The following MYH10 variants were observed in gnomAD, a reference collection of about 807,000 sequenced individuals.
MYH10 encodes the protein myosin heavy chain 10, also known as myosin-10.
Under a neutral mutation model 257.8 loss-of-function variants are expected in MYH10, and 55 were observed. The observed-to-expected ratio is 0.21, with a 90% confidence interval of 0.17 to 0.27. MYH10 has a LOEUF of 0.27. MYH10 is among the 10% of genes least tolerant of loss of function. The probability of loss-of-function intolerance (pLI) is 1.00; values close to 1 mark genes in which losing one functional copy is unlikely to be tolerated. For synonymous variants in MYH10, 854 were observed against 921.7 expected, an observed-to-expected ratio of 0.93 and a Z score of 1.33; for missense variants, 1,631 against 2,500.6, an observed-to-expected ratio of 0.65 and a Z score of 7.42.
chr17:8,626,544 G>A (rs190796730), intron 1 of MYH10, among the ~76,000 whole-genome samples: 2 of 149,414 alleles, frequency 1.3e-5, no homozygotes, highest in East Asian at 3.9e-4. Context: ...TCCAGCCTCG[G>A]CAACAGAATG....
intron 16 of MYH10, 23 bp from the exon 17 acceptor site, chr17:8,530,708 A>G (rs756783752): frequency 1.3e-6 from 2 of 1,528,412 alleles, no homozygotes; most frequent in South Asian, 1.2e-5. Context: ...AACAGCAAAA[A>G]CAGGACAGAA....
At chr17:8,486,450 GCCATGACTGCACCA>G (rs1318925014) in intron 36 of MYH10, among the ~76,000 whole-genome samples, 1 of 150,540 alleles carries the variant, frequency 6.6e-6, no homozygotes, top group Non-Finnish European at 1.5e-5. Context: ...GCTGCAGTGA[GCCATGACTGCACCA>G]CCATACTTCA....
rs988042566 is a variant in MYH10 at position 8,552,537 on chromosome 17, T to C, written c.821-393A>G. On this transcript the variant is annotated intron_variant, in intron 8 of 42. Transcript: ENST00000360416. The surrounding 1 kb of genome is among the most constrained non-coding windows in gnomAD (Gnocchi z 4.8). ...CAGGAGAAGCTCTATAATACCAGAT[T>C]AACACAATTTTATAAATAAGGAAGC... 6.6e-6 allele frequency among the ~76,000 whole-genome samples: 1 copy of C among 152,166 alleles called. No individual in the cohort carries two copies. The highest frequency in any genetic ancestry group is 1.5e-5 in the Non-Finnish European group (1 of 68,014).
At chr17:8,627,899 A>G (rs1672342550) in intron 1 of MYH10, among the ~76,000 whole-genome samples, 1 of 152,246 alleles carries the variant, frequency 6.6e-6, no homozygotes, top group Non-Finnish European at 1.5e-5. Context: ...AGGTACAGAG[A>G]AAGCCAATAA....
chr17:8,485,986 C>T (rs528982805), intron 36 of MYH10, among the ~76,000 whole-genome samples: 10 of 152,244 alleles, frequency 6.6e-5, no homozygotes, highest in African/African-American at 2.4e-4. Context: ...TAGAGTGTTA[C>T]TCAGTAATAA....
At chr17:8,493,707 C>T (rs377090462) in intron 32 of MYH10, 26 bp downstream of exon 32, 45 of 1,597,028 alleles carry the variant, frequency 2.8e-5, no homozygotes, top group South Asian at 5.6e-5. Flanking sequence ...TCGAGGCCAC[C>T]GCGGCCTCCT....
chr17:8,589,623 G>A (rs2084044625), intron 3 of MYH10, among the ~76,000 whole-genome samples: 1 of 151,978 alleles, frequency 6.6e-6, no homozygotes, highest in Non-Finnish European at 1.5e-5. Context: ...CATCTTAAAG[G>A]AGGAAAAAAA....
intron 21 of MYH10, among the ~76,000 whole-genome samples, chr17:8,517,362 C>T (rs1328553864): frequency 6.6e-6 from 1 of 152,186 alleles, no homozygotes; most frequent in African/African-American, 2.4e-5. Context: ...GGAACCAGAG[C>T]TGTTTTCCAA....
At chr17:8,482,251 C>G (rs768317694) in intron 37 of MYH10, among the ~76,000 whole-genome samples, 1 of 152,220 alleles carries the variant, frequency 6.6e-6, no homozygotes, top group Non-Finnish European at 1.5e-5. Context: ...CACCAGCTGC[C>G]CCTTCCAAAA....
intron 35 of MYH10, among the ~76,000 whole-genome samples, chr17:8,489,708 A>AAAACACACACACACACACAC (rs1555570828): frequency 8.6e-5 from 8 of 93,082 alleles, no homozygotes; most frequent in African/African-American, 3.0e-4. Context: ...CGTCTGAAAA[A>AAAACACACACACACACACAC]ACACACACAC....
chr17:8,546,154 G>T (rs1225312858), intron 12 of MYH10, among the ~76,000 whole-genome samples: 1 of 151,912 alleles, frequency 6.6e-6, no homozygotes, highest in South Asian at 2.1e-4. Flanking sequence ...CGCCTCCTGG[G>T]TTCAAGCAAT....
intron 36 of MYH10, 67 bp from the exon 37 acceptor site, chr17:8,484,333 T>C (rs1303493717): frequency 6.7e-7 from 1 of 1,492,578 alleles, no homozygotes; most frequent in East Asian, 2.3e-5. Context: ...AAAATTTTTT[T>C]AGAGATGAGC....
Position 8,548,414 on chromosome 17 carries a change from T to G in MYH10, c.1064-6A>C, listed in dbSNP as rs764609989. 1.3e-6 allele frequency: 2 copies of G among 1,501,520 alleles called. No individual in the cohort carries two copies. The highest frequency in any genetic ancestry group is 2.4e-5 in the East Asian group (1 of 42,366). The allele number at this position is 1,501,520 out of a possible 1,614,324, so 93.0% of individuals were successfully genotyped here. On this transcript the variant is annotated splice_polypyrimidine_tract_variant and splice_region_variant and intron_variant, in intron 10 of 42. Coordinates refer to ENST00000360416, the MANE Select transcript of MYH10 (RefSeq NM_001256012.3). ...AGATACTACTTTAAGCATTGCTTCATATTGATAAAAAGAAAAAAAAAATTA... is the reference window on the plus strand; with the variant it reads ...AGATACTACTTTAAGCATTGCTTCAGATTGATAAAAAGAAAAAAAAAATTA...
intron 29 of MYH10, among the ~76,000 whole-genome samples, chr17:8,500,261 G>C (rs574392856): frequency 1.8e-4 from 27 of 152,190 alleles, no homozygotes; most frequent in Non-Finnish European, 2.8e-4. Flanking sequence ...GGGAAGTCAT[G>C]GAGGCCAGTC....
At chr17:8,599,318 T>C (rs1405340007) in intron 3 of MYH10, among the ~76,000 whole-genome samples, 1 of 152,236 alleles carries the variant, frequency 6.6e-6, no homozygotes, top group Admixed American at 6.5e-5. Flanking sequence ...CTAAGTTGTA[T>C]TAAATCACAT....
intron 26 of MYH10, among the ~76,000 whole-genome samples, chr17:8,507,909 T>C (rs904329372): frequency 4.0e-5 from 6 of 151,728 alleles, no homozygotes; most frequent in Admixed American, 3.9e-4. Context: ...GAGATGGAGG[T>C]TGCAGTGAGC....
intron 7 of MYH10, among the ~76,000 whole-genome samples, chr17:8,564,584 T>C (rs776959263): frequency 6.6e-6 from 1 of 152,206 alleles, no homozygotes; most frequent in Non-Finnish European, 1.5e-5. Flanking sequence ...AACACCAATA[T>C]GAAGGTGTGC....
In MYH10 at chr17:8,528,108, G is replaced by A. The variant is rs569414584; in HGVS notation, c.1957+2515C>T. On this transcript the variant is annotated intron_variant, in intron 17 of 42. Transcript: ENST00000360416. ...TTTGCTCTGCTAGTACACTCTTCCG[G>A]ACCTGTCAGCTGCAATCTAGCACAC... Among the ~76,000 whole-genome samples the A allele has an allele frequency of 5.2e-4, 79 of 152,268 alleles. No individual in the cohort carries two copies. The South Asian group carries it at 6.4e-3, about 12-fold the overall frequency.
chr17:8,528,956 G>C (rs2151919087), intron 17 of MYH10, among the ~76,000 whole-genome samples: 1 of 152,282 alleles, frequency 6.6e-6, no homozygotes, highest in African/African-American at 2.4e-5. Flanking sequence ...TCAACCAAAG[G>C]ACACCTCACA....
Sources: allele counts gnomAD v4.1 joint callset (sites outside exome capture counted in the v4.1 genomes callset), GRCh38; gene constraint gnomAD v4.1.1; non-coding constraint Gnocchi (gnomAD v3.1); transcripts MANE v1.5; gene names NCBI Gene and HGNC (gene_info 2026-07-23, HGNC 2026-07-21).